EYS: variants seen among roughly 807,000 people sequenced by gnomAD.
EYS encodes the protein EGF-like photoreceptor maintenance factor.
EYS carries 250 observed loss-of-function variants against 282.1 expected under a neutral mutation model. The ratio of observed to expected loss-of-function variants is 0.89; its 90% CI spans 0.80 to 0.98. The LOEUF (loss-of-function observed/expected upper bound fraction) is 0.98. Ranked by LOEUF, EYS falls within the 50% of genes least tolerant of loss-of-function variation. EYS has a pLI of 0.00. For missense variants in EYS, 4,016 were observed against 3,709.0 expected, an observed-to-expected ratio of 1.08 and a Z score of -2.15; for synonymous variants, 1,355 against 1,282.9, an observed-to-expected ratio of 1.06 and a Z score of -1.20.
chr6:65,646,334 A>G (rs186630183), intron 1 of EYS, among the ~76,000 whole-genome samples: 19 of 152,324 alleles, frequency 1.2e-4, no homozygotes, highest in African/African-American at 4.6e-4. Context: ...ACTATGATCA[A>G]GTGGGTTTAT....
At chr6:65,257,328 G>A (rs1285822501) in intron 12 of EYS, among the ~76,000 whole-genome samples, 1 of 96,210 alleles carries the variant, frequency 1.0e-5, no homozygotes, top group African/African-American at 5.5e-5. Context: ...TGGTGTTTTG[G>A]ACATGAAGTC....
At position 64,066,453 on chromosome 6, in the gene EYS, A is replaced by G; in HGVS notation, c.6610T>C (p.Phe2204Leu). ...NNCGKQFLHL[F>L]LVEGRPSVKY... Reference sequence around the variant, plus strand: ...ACTGATGGCCTTCCTTCCACAAGAAATAAATGAAGAAACTGCTTTCCACAA... The same window carrying G: ...ACTGATGGCCTTCCTTCCACAAGAAGTAAATGAAGAAACTGCTTTCCACAA... Residue 2204 changes from phenylalanine to leucine, a missense_variant, in exon 33 of 43, where the codon TTT (phenylalanine) becomes CTT (leucine). By Grantham distance (22) the Phe-to-Leu change is conservative. Coordinates refer to ENST00000503581, the MANE Select transcript of EYS (RefSeq NM_001142800.2). 6.5e-7 allele frequency: 1 copy of G among 1,547,620 alleles called. No individual in the cohort carries two copies. Among genetic ancestry groups the G allele is most frequent in the South Asian group, 1.2e-5 (1 of 83,920 alleles).
intron 30 of EYS, among the ~76,000 whole-genome samples, chr6:64,290,378 T>A (rs765976163): frequency 6.6e-6 from 1 of 152,076 alleles, no homozygotes; most frequent in Non-Finnish European, 1.5e-5. Flanking sequence ...AGTAGTGAGA[T>A]GGAAGCTGGA....
intron 41 of EYS, among the ~76,000 whole-genome samples, chr6:63,750,366 T>C (rs1049349096): frequency 1.6e-4 from 25 of 152,170 alleles, no homozygotes; most frequent in African/African-American, 5.3e-4. Flanking sequence ...AAAAATACCC[T>C]CTATCCCAGT....
intron 12 of EYS, among the ~76,000 whole-genome samples, chr6:65,248,568 G>A (rs1160882002): frequency 6.6e-6 from 1 of 151,886 alleles, no homozygotes; most frequent in Non-Finnish European, 1.5e-5. Context: ...ACCCTATGTA[G>A]CAAAATAATA....
At chr6:64,296,524 AACAATTGTACTGGC>A (rs1238754169) in intron 30 of EYS, among the ~76,000 whole-genome samples, 7 of 55,810 alleles carry the variant, frequency 1.3e-4, no homozygotes, top group Non-Finnish European at 3.1e-4. Context: ...CCACCTAGAC[AACAATTGTACTGGC>A]AGAATATATA....
intron 26 of EYS, among the ~76,000 whole-genome samples, chr6:64,586,060 A>G (rs1464977762): frequency 6.6e-6 from 1 of 152,106 alleles, no homozygotes; most frequent in Non-Finnish European, 1.5e-5. Flanking sequence ...TGTCTACTCT[A>G]AAATTCATGT....
In EYS at chr6:64,492,469, T is replaced by TTTG. The variant is rs199757089; in HGVS notation, c.5645-53120_5645-53118dup. Reference sequence around the variant, plus strand: ...TCCCAGTTCATGCTGGTCCTGTTTTTTTGTTGTTGTTGTTGTTGTTGTTTT... The same window carrying TTTG: ...TCCCAGTTCATGCTGGTCCTGTTTTTTTGTTGTTGTTGTTGTTGTTGTTGTTTT... On this transcript the variant is annotated intron_variant, in intron 26 of 42. Coordinates refer to ENST00000503581, the MANE Select transcript of EYS (RefSeq NM_001142800.2). Among the ~76,000 whole-genome samples the TTTG allele has an allele frequency of 1.5e-4, 22 of 151,228 alleles. No homozygotes were observed. In the East Asian group the frequency reaches 1.9e-3, roughly 13 times the overall value.
At chr6:64,151,483 C>T (rs1345862680) in intron 31 of EYS, among the ~76,000 whole-genome samples, 3 of 150,424 alleles carry the variant, frequency 2.0e-5, no homozygotes, top group African/African-American at 7.3e-5. Context: ...GCCTCAGCCT[C>T]CCTAGTAGCT....
chr6:65,229,029 T>C (rs138576405), intron 12 of EYS, among the ~76,000 whole-genome samples: 167 of 152,030 alleles, frequency 1.1e-3, no homozygotes, highest in African/African-American at 3.9e-3. Flanking sequence ...ATTATAGACC[T>C]AAAAGTAACC....
intron 14 of EYS, among the ~76,000 whole-genome samples, chr6:64,971,890 A>G (rs1305700063): frequency 1.3e-5 from 2 of 152,300 alleles, no homozygotes; most frequent in Non-Finnish European, 2.9e-5. Flanking sequence ...GCCATCAAGC[A>G]TAATTAAGTA....
At chr6:64,836,385 T>C (rs1334769854) in intron 19 of EYS, among the ~76,000 whole-genome samples, 1 of 151,404 alleles carries the variant, frequency 6.6e-6, no homozygotes, top group African/African-American at 2.4e-5. Context: ...ATAATGGTTA[T>C]TTCAACATTT....
At position 65,434,550 on chromosome 6, in the gene EYS, C is replaced by T. The variant is rs553753011; in HGVS notation, c.863-29183G>A. ...TTAGCCAGGACGGTTTCGATCTCCT[C>T]ACCTTGTGATCGGCCCGCCTTGGCC... is the stretch of plus-strand genomic sequence containing the variant. On this transcript the variant is annotated intron_variant, in intron 5 of 42. Transcript: ENST00000503581. Among the ~76,000 whole-genome samples, 6 of 152,204 alleles carry T rather than the reference C, an allele frequency of 3.9e-5. No homozygotes were observed. The South Asian group carries it at 1.2e-3, about 32-fold the overall frequency.
chr6:64,251,004 A>G (rs1767193293), intron 30 of EYS, among the ~76,000 whole-genome samples: 1 of 152,158 alleles, frequency 6.6e-6, no homozygotes. Flanking sequence ...AGGACAGTTC[A>G]TAGATTAAAG....
intron 1 of EYS, among the ~76,000 whole-genome samples, chr6:65,699,525 A>C (rs1769580085): frequency 6.6e-6 from 1 of 152,190 alleles, no homozygotes; most frequent in African/African-American, 2.4e-5. Flanking sequence ...GTAGTCATGT[A>C]CCCAATTTCA....
chr6:64,760,425 T>C (rs1773119549), intron 22 of EYS, among the ~76,000 whole-genome samples: 1 of 152,184 alleles, frequency 6.6e-6, no homozygotes, highest in Non-Finnish European at 1.5e-5. Context: ...TGATACTTTC[T>C]ACATCATAGC....
intron 12 of EYS, among the ~76,000 whole-genome samples, chr6:65,063,483 C>T (rs1773641270): frequency 6.6e-6 from 1 of 151,932 alleles, no homozygotes; most frequent in Non-Finnish European, 1.5e-5. Flanking sequence ...AGAGTATGGT[C>T]AGAAAAATGG....
intron 31 of EYS, among the ~76,000 whole-genome samples, chr6:64,142,764 A>G (rs1305223488): frequency 6.6e-6 from 1 of 152,132 alleles, no homozygotes; most frequent in Non-Finnish European, 1.5e-5. Flanking sequence ...AAATGATGAG[A>G]GCCTAAATTA....
intron 26 of EYS, among the ~76,000 whole-genome samples, chr6:64,535,082 T>C (rs1376980350): frequency 1.3e-5 from 2 of 152,202 alleles, no homozygotes. Flanking sequence ...TATGCTTGCA[T>C]CTGACCTACT....
Sources: gnomAD v4.1 joint callset for allele counts (sites outside exome capture counted in the v4.1 genomes callset) on GRCh38, gnomAD v4.1.1 for gene constraint, MANE v1.5 for transcripts, NCBI Gene and HGNC (gene_info 2026-07-23, HGNC 2026-07-21) for gene names.